ADGRB1: variants seen among roughly 807,000 people sequenced by gnomAD.
ADGRB1 encodes adhesion G protein-coupled receptor B1.
ADGRB1 carries 36 observed loss-of-function variants against 175.7 expected under a neutral mutation model. The observed-to-expected ratio is 0.20, with a 90% CI of 0.16 to 0.27. The LOEUF (loss-of-function observed/expected upper bound fraction) is 0.27, where lower values mean the gene tolerates loss of function less well. ADGRB1 is among the 10% of genes least tolerant of loss of function. The pLI is 1.00. For missense variants in ADGRB1, 1,731 were observed against 2,255.3 expected, an observed-to-expected ratio of 0.77 and a Z score of 4.71; for synonymous variants, 1,054 against 979.4, an observed-to-expected ratio of 1.08 and a Z score of -1.42.
chr8:142,467,715 A>C lies in ADGRB1; in HGVS notation c.784+2733A>C, dbSNP rs143541679. On this transcript the variant is annotated intron_variant, in intron 2 of 30. Transcript: ENST00000517894. The stretch of plus-strand genomic sequence containing the variant: ...TGCAGAGCCCCAGGGCCTGGGTTCA[A>C]ATCCCAGCCTGACCCGGCTTGCCGT... Among the ~76,000 whole-genome samples the C allele has an allele frequency of 7.6e-4, 116 of 152,312 alleles. 1 individual carries two copies. Among genetic ancestry groups the C allele is most frequent in the African/African-American group, 2.6e-3 (109 of 41,554 alleles).
At chr8:142,513,978 A>T (rs1437411532) in intron 18 of ADGRB1, among the ~76,000 whole-genome samples, 1 of 151,956 alleles carries the variant, frequency 6.6e-6, no homozygotes. Context: ...AGAGGAGAGC[A>T]GTCAGGCCTG....
At chr8:142,471,894 C>T (rs192167251) in intron 2 of ADGRB1, among the ~76,000 whole-genome samples, 2 of 152,356 alleles carry the variant, frequency 1.3e-5, no homozygotes, top group Admixed American at 1.3e-4. Context: ...GTGCAGGGGG[C>T]CCTGGTCTAG....
At chr8:142,491,768 C>T (rs1008352665) in intron 17 of ADGRB1, among the ~76,000 whole-genome samples, 1 of 152,304 alleles carries the variant, frequency 6.6e-6, no homozygotes, top group African/African-American at 2.4e-5. Flanking sequence ...CGAGTGTGTG[C>T]GGTCAGCATG....
At chr8:142,514,954 C>T (rs757712960) in intron 18 of ADGRB1, among the ~76,000 whole-genome samples, 8 of 151,912 alleles carry the variant, frequency 5.3e-5, no homozygotes, top group Non-Finnish European at 8.8e-5. Flanking sequence ...AGTGGCAGGA[C>T]GAAGGTGGTA....
Position 142,526,753 on chromosome 8 carries a change from G to A in ADGRB1, c.3398+126G>A, listed in dbSNP as rs1844226225. On this transcript the variant is annotated intron_variant, in intron 24 of 30. Transcript: ENST00000517894. Reference sequence around the variant, plus strand: ...TGCAGGTCCAGGGACCCCGGAGCGGGTGGGAAACGGAGGCACTGAGTACAG... The same window carrying A: ...TGCAGGTCCAGGGACCCCGGAGCGGATGGGAAACGGAGGCACTGAGTACAG... 4 of 972,668 alleles carry A rather than the reference G, an allele frequency of 4.1e-6. No individual in the cohort carries two copies. The Admixed American group carries it at 8.3e-5, about 20-fold the overall frequency. 60.3% of individuals were successfully genotyped at this position (972,668 alleles called of 1,614,324 possible). A position where few individuals can be genotyped will look rare whatever the true frequency, so the allele number is the denominator to read the frequency against.
Position 142,543,494 on chromosome 8 carries a change from C to T in ADGRB1, c.4449+56C>T. The T allele has an allele frequency of 6.2e-7, 1 of 1,610,584 alleles. No homozygotes were observed. Among genetic ancestry groups the T allele is most frequent in the Non-Finnish European group, 8.5e-7 (1 of 1,178,182 alleles). On this transcript the variant is annotated intron_variant, in intron 29 of 30. Coordinates refer to ENST00000517894, the MANE Select transcript of ADGRB1 (RefSeq NM_001702.3). This position sits in a 1 kb window ranked among gnomAD's most constrained non-coding sequence, Gnocchi z 4.4. ...CTTAGGGCCAGATGTGCTCTGGGCT[C>T]CCACACGGCCAGGCAGCTCCCCGGC...
At chr8:142,473,808 T>C (rs1172141891) in intron 2 of ADGRB1, among the ~76,000 whole-genome samples, 2 of 152,152 alleles carry the variant, frequency 1.3e-5, no homozygotes, top group Admixed American at 6.5e-5. Context: ...CCCACAGCTG[T>C]GGTGGGTCAA....
intron 1 of ADGRB1, among the ~76,000 whole-genome samples, chr8:142,458,392 G>A (rs576266618): frequency 1.6e-4 from 24 of 152,280 alleles, no homozygotes; most frequent in East Asian, 5.8e-4. Context: ...AGTGCCTCTC[G>A]TCTGAGGGTG....
At chr8:142,528,751 C>T (rs1479908713) in intron 24 of ADGRB1, among the ~76,000 whole-genome samples, 2 of 152,144 alleles carry the variant, frequency 1.3e-5, no homozygotes, top group Non-Finnish European at 2.9e-5. Flanking sequence ...CCTTTTCTAC[C>T]GTCCACTCTG....
intron 11 of ADGRB1, among the ~76,000 whole-genome samples, chr8:142,482,336 TCCTGGTCACACACTGAGCCCTGAC>T (rs1563698385): frequency 7.5e-6 from 1 of 133,444 alleles, no homozygotes; most frequent in African/African-American, 2.9e-5. Flanking sequence ...TGAGCCCTGA[TCCTGGTCACACACTGAGCCCTGAC>T]CCTGGTCACA....
chr8:142,484,071 G>T, intron 12 of ADGRB1, 26 bp downstream of exon 12: 1 of 1,599,718 alleles, frequency 6.3e-7, no homozygotes. Context: ...CCTACGGTCA[G>T]CAGCCTCAGG....
chr8:142,534,567 CAA>C (rs1174229456), intron 25 of ADGRB1, among the ~76,000 whole-genome samples: 4 of 152,214 alleles, frequency 2.6e-5, no homozygotes, highest in East Asian at 3.9e-4. Context: ...CGAGGAAAGA[CAA>C]GAGGAGGAAG....
chr8:142,476,634 C>A lies in ADGRB1; in HGVS notation c.996C>A (p.Ala332=). Residue 332 remains alanine, a synonymous_variant, in exon 4 of 31, where the codon GCC becomes GCA. Coordinates refer to ENST00000517894, the MANE Select transcript of ADGRB1 (RefSeq NM_001702.3). ...GCCAGTCCCTGCGGTCCACAGATGCCCGGCGGCGCGAGGAGCTGGGGGACG... is the reference window on the plus strand; with the variant it reads ...GCCAGTCCCTGCGGTCCACAGATGCACGGCGGCGCGAGGAGCTGGGGGACG... ...SRSQSLRSTD[A]RRREELGDEL... 1 of 1,548,700 alleles carries A rather than the reference C, an allele frequency of 6.5e-7. No individual in the cohort carries two copies. The highest frequency in any genetic ancestry group is 8.7e-7 in the Non-Finnish European group (1 of 1,146,326).
rs1018723282 is a variant in ADGRB1, at chr8:142,489,228, G to A, written c.2529-108G>A. On this transcript the variant is annotated intron_variant, in intron 15 of 30. Coordinates refer to ENST00000517894, the MANE Select transcript of ADGRB1 (RefSeq NM_001702.3). ...CCTGGAGGAGTGTGGATGATGGGCTGTGGAGGGTGGCGGCGGGTACAGGGG... is the reference window on the plus strand; with the variant it reads ...CCTGGAGGAGTGTGGATGATGGGCTATGGAGGGTGGCGGCGGGTACAGGGG... The A allele has an allele frequency of 1.3e-4, 194 of 1,548,048 alleles. 1 individual carries two copies. Among genetic ancestry groups the A allele is most frequent in the Non-Finnish European group, 6.2e-5 (70 of 1,129,502 alleles).
At chr8:142,520,958 C>T in intron 20 of ADGRB1, 33 bp downstream of exon 20, 1 of 1,579,270 alleles carries the variant, frequency 6.3e-7, no homozygotes, top group Non-Finnish European at 8.7e-7. Flanking sequence ...ATGCACTTCC[C>T]AACATCCTCG....
At chr8:142,490,870 G>A (rs890211580) in intron 17 of ADGRB1, 55 bp downstream of exon 17, 5 of 1,544,406 alleles carry the variant, frequency 3.2e-6, no homozygotes, top group Non-Finnish European at 4.4e-6. Flanking sequence ...TTCGTGGGAG[G>A]CTGGCCCAGT....
chr8:142,539,804 A>T, intron 27 of ADGRB1: 1 of 288,746 alleles, frequency 3.5e-6, no homozygotes, highest in Non-Finnish European at 6.6e-6. Context: ...CCTCCTGCCC[A>T]CCGCCCTCTA....
chr8:142,473,903 G>A (rs1007765916), intron 2 of ADGRB1, among the ~76,000 whole-genome samples: 1 of 152,234 alleles, frequency 6.6e-6, no homozygotes. Flanking sequence ...GGGGCAGGGT[G>A]GGGGGCACTC....
chr8:142,520,685 G>T, intron 19 of ADGRB1, 138 bp from the exon 20 acceptor site: 5 of 654,244 alleles, frequency 7.6e-6, no homozygotes, highest in Non-Finnish European at 2.8e-6. Flanking sequence ...CGGTGATGAT[G>T]GTCATGGTGG....
Sources: allele counts gnomAD v4.1 joint callset (sites outside exome capture counted in the v4.1 genomes callset), GRCh38; gene constraint gnomAD v4.1.1; non-coding constraint Gnocchi (gnomAD v3.1); transcripts MANE v1.5; gene names NCBI Gene and HGNC (gene_info 2026-07-23, HGNC 2026-07-21).